Variants in ERAP1 observed in about 807,000 individuals in gnomAD.
ERAP1 encodes the protein adipocyte-derived leucine aminopeptidase.
A neutral mutation model predicts 103.7 loss-of-function variants in ERAP1; 86 were observed. That is an observed-to-expected ratio of 0.83 (90% CI 0.70 to 0.99). The LOEUF is 0.99. ERAP1 is among the 50% of genes least tolerant of loss of function. ERAP1 has a pLI of 0.00. For synonymous variants in ERAP1, 398 were observed against 402.4 expected, an observed-to-expected ratio of 0.99 and a Z score of 0.13; for missense variants, 1,009 against 1,128.4, an observed-to-expected ratio of 0.89 and a Z score of 1.52.
At chr5:96,864,197 A>C in the ERAP1 span, among the ~76,000 whole-genome samples, 1 of 152,226 alleles carries the variant, frequency 6.6e-6, no homozygotes, top group African/African-American at 2.4e-5. Context: ...TAAATGAATA[A>C]TGTTACCACT....
chr5:96,891,483 A>ATATG, the ERAP1 span, among the ~76,000 whole-genome samples: 1 of 138,652 alleles, frequency 7.2e-6, no homozygotes, highest in African/African-American at 2.7e-5. Flanking sequence ...ATATATATAT[A>ATATG]TGTGTGTGTG....
intron 19 of ERAP1, chr5:96,767,899 T>G: frequency 6.3e-7 from 1 of 1,597,286 alleles, no homozygotes; most frequent in Non-Finnish European, 8.6e-7. Context: ...TTTCTACTCA[T>G]ATCTCAGAAA....
chr5:96,763,181 CTG>C, exon 20 of ERAP1: 1 of 780,676 alleles, frequency 1.3e-6, no homozygotes, highest in African/African-American at 1.7e-5. Context: ...GTGCTGTAGT[CTG>C]AGATTCTGAT....
At chr5:96,824,178 C>T in the ERAP1 span, among the ~76,000 whole-genome samples, 2,274 of 152,276 alleles carry the variant, frequency 0.015, 53 homozygotes, top group African/African-American at 0.051. Context: ...GTAACTGAAA[C>T]CATGGAAATG....
intron 18 of ERAP1, among the ~76,000 whole-genome samples, chr5:96,778,613 AG>A (rs1246419273): frequency 6.6e-6 from 1 of 152,130 alleles, no homozygotes; most frequent in Non-Finnish European, 1.5e-5. Context: ...CATGGGAAGG[AG>A]GGATTTGGAA....
At chr5:96,909,637 G>C in the ERAP1 span, 1 of 1,614,026 alleles carries the variant, frequency 6.2e-7, no homozygotes, top group Non-Finnish European at 8.5e-7. Flanking sequence ...GAGTGACAAG[G>C]GCTCAGTCTG....
At chr5:96,884,859 G>A in the ERAP1 span, among the ~76,000 whole-genome samples, 1 of 152,162 alleles carries the variant, frequency 6.6e-6, no homozygotes, top group Non-Finnish European at 1.5e-5. Context: ...CTTTCATCCT[G>A]TAAGGAAACA....
chr5:96,795,658 G>A (rs1777269532), intron 4 of ERAP1, among the ~76,000 whole-genome samples: 1 of 152,184 alleles, frequency 6.6e-6, no homozygotes, highest in Non-Finnish European at 1.5e-5. Context: ...TAATGTAAAG[G>A]TAAACTAGAA....
Position 96,803,650 on chromosome 5 carries a change from T to C in ERAP1, c.277A>G (p.Ile93Val), listed in dbSNP as rs1172876152. ...TGCAGGTGGTGACTATGCAGGATGA[T>C]GGTGCTGGTGGGCTGACTGGCTGTG... ...EITASQPTST[I>V]ILHSHHLQIS... The change falls in exon 2 of 19, where the codon ATC becomes GTC. Residue 93 changes from isoleucine (I) to valine (V), a missense_variant. By Grantham distance (29) the Ile-to-Val change is conservative. Coordinates refer to ENST00000443439, the MANE Select transcript of ERAP1 (RefSeq NM_001040458.3). 1 of 1,614,178 alleles carries C rather than the reference T, an allele frequency of 6.2e-7. No homozygotes were observed. The highest frequency in any genetic ancestry group is 1.7e-5 in the Admixed American group (1 of 60,020).
intron 1 of ERAP1, among the ~76,000 whole-genome samples, chr5:96,807,071 C>A (rs1413002357): frequency 1.3e-5 from 2 of 152,116 alleles, no homozygotes; most frequent in African/African-American, 2.4e-5. Flanking sequence ...TCTTTCTGAA[C>A]CTAGCCTACA....
At chr5:96,812,103 G>A (rs1355550588), upstream of ERAP1, among the ~76,000 whole-genome samples, 10 of 152,138 alleles carry the variant, frequency 6.6e-5, 1 homozygote, top group Middle Eastern at 3.2e-3. Flanking sequence ...TTAATTAGCC[G>A]TTTTTGCTTT....
chr5:96,822,744 T>C, the ERAP1 span, among the ~76,000 whole-genome samples: 2 of 152,224 alleles, frequency 1.3e-5, no homozygotes, highest in Non-Finnish European at 2.9e-5. Context: ...GATAAAGACA[T>C]ACCCGAGACT....
the ERAP1 span, among the ~76,000 whole-genome samples, chr5:96,930,434 C>G: frequency 6.6e-6 from 1 of 152,196 alleles, no homozygotes; most frequent in Non-Finnish European, 1.5e-5. Context: ...ATATTCATGA[C>G]TCCTCCTATA....
At chr5:96,891,806 A>AT in the ERAP1 span, among the ~76,000 whole-genome samples, 1 of 152,118 alleles carries the variant, frequency 6.6e-6, no homozygotes, top group South Asian at 2.1e-4. Context: ...CAATCGAAAT[A>AT]TTGACTATAG....
the ERAP1 span, among the ~76,000 whole-genome samples, chr5:96,932,677 G>A: frequency 1.4e-3 from 206 of 152,222 alleles, no homozygotes; most frequent in African/African-American, 4.9e-3. Flanking sequence ...GTGAGGCTTG[G>A]ATTTGCTGAT....
At chr5:96,854,117 A>G in the ERAP1 span, among the ~76,000 whole-genome samples, 6 of 152,178 alleles carry the variant, frequency 3.9e-5, no homozygotes, top group Non-Finnish European at 8.8e-5. Context: ...ACACAAACAC[A>G]CACACACACA....
At chr5:96,910,564 T>C in the ERAP1 span, among the ~76,000 whole-genome samples, 1 of 152,184 alleles carries the variant, frequency 6.6e-6, no homozygotes, top group Non-Finnish European at 1.5e-5. Context: ...TACTGCCCTA[T>C]ACAAAATAGA....
chr5:96,829,214 C>T, the ERAP1 span, among the ~76,000 whole-genome samples: 1 of 152,190 alleles, frequency 6.6e-6, no homozygotes, highest in East Asian at 1.9e-4. Flanking sequence ...ATAACTTACA[C>T]ATGTATACAG....
At chr5:96,907,573 A>ATT in the ERAP1 span, among the ~76,000 whole-genome samples, 75,779 of 148,220 alleles carry the variant, frequency 0.51, 19,288 homozygotes, top group South Asian at 0.56. Context: ...CATTTTGTGG[A>ATT]TTTTTTTTTT....
Sources: gnomAD v4.1 joint callset for allele counts (sites outside exome capture counted in the v4.1 genomes callset) on GRCh38, gnomAD v4.1.1 for gene constraint, MANE v1.5 for transcripts, NCBI Gene and HGNC (gene_info 2026-07-23, HGNC 2026-07-21) for gene names.